CFAP95: variants seen among roughly 807,000 people sequenced by gnomAD.
The protein encoded by CFAP95 is cilia and flagella associated protein 95, also known as cilia- and flagella-associated protein 95.
the CFAP95 span, among the ~76,000 whole-genome samples, chr9:69,884,127 C>T: frequency 1.3e-5 from 2 of 152,114 alleles, no homozygotes; most frequent in African/African-American, 4.8e-5. Context: ...TTTCAATTTC[C>T]TTCTTAATGT....
the CFAP95 span, among the ~76,000 whole-genome samples, chr9:69,870,581 C>T: frequency 0.033 from 5,027 of 152,206 alleles, 252 homozygotes; most frequent in African/African-American, 0.11. Context: ...AAGAAAGAAG[C>T]GAAAAAGTAA....
the CFAP95 span, among the ~76,000 whole-genome samples, chr9:69,873,650 T>C: frequency 6.6e-6 from 1 of 152,196 alleles, no homozygotes; most frequent in Non-Finnish European, 1.5e-5. Context: ...TCTGCTTCTT[T>C]AAGTCACGTA....
chr9:69,892,687 C>G, the CFAP95 span, among the ~76,000 whole-genome samples: 5 of 152,102 alleles, frequency 3.3e-5, no homozygotes, highest in African/African-American at 1.2e-4. Context: ...CGCCACAACC[C>G]CATCCTGTAC....
the CFAP95 span, among the ~76,000 whole-genome samples, chr9:69,875,533 G>A: frequency 6.6e-6 from 1 of 152,086 alleles, no homozygotes; most frequent in East Asian, 1.9e-4. Flanking sequence ...GGAGGGATAG[G>A]TTTCTATCTG....
the CFAP95 span, among the ~76,000 whole-genome samples, chr9:69,902,584 G>A: frequency 6.6e-6 from 1 of 152,032 alleles, no homozygotes; most frequent in Non-Finnish European, 1.5e-5. Context: ...TATACCAAAC[G>A]ACTTTCTTGT....
the CFAP95 span, chr9:69,856,445 A>G: frequency 1.7e-6 from 1 of 579,758 alleles, no homozygotes; most frequent in Non-Finnish European, 3.1e-6. Context: ...TTTAATGTCA[A>G]CTAGAGTCAA....
the CFAP95 span, among the ~76,000 whole-genome samples, chr9:69,855,915 A>G: frequency 6.6e-6 from 1 of 152,164 alleles, no homozygotes; most frequent in African/African-American, 2.4e-5. Flanking sequence ...TTTCAGATAA[A>G]GTAATGGATT....
At chr9:69,864,319 A>G in the CFAP95 span, among the ~76,000 whole-genome samples, 1 of 151,800 alleles carries the variant, frequency 6.6e-6, no homozygotes, top group Admixed American at 6.6e-5. Flanking sequence ...GTGTATGTGC[A>G]TGTGTGTATA....
the CFAP95 span, among the ~76,000 whole-genome samples, chr9:69,864,175 T>C: frequency 4.6e-5 from 7 of 152,230 alleles, no homozygotes; most frequent in African/African-American, 1.7e-4. Context: ...GATTAGCGTG[T>C]ATTGTTGAAA....
At chr9:69,861,884 C>T in the CFAP95 span, among the ~76,000 whole-genome samples, 8 of 152,066 alleles carry the variant, frequency 5.3e-5, no homozygotes, top group Admixed American at 3.9e-4. Context: ...CTCACCTGAT[C>T]TGCAACCTCC....
the CFAP95 span, among the ~76,000 whole-genome samples, chr9:69,857,665 C>A: frequency 6.6e-6 from 1 of 152,108 alleles, no homozygotes; most frequent in African/African-American, 2.4e-5. Flanking sequence ...GCTAGGGCTA[C>A]AGGCACATGC....
At chr9:69,856,920 G>GTTTT in the CFAP95 span, among the ~76,000 whole-genome samples, 119 of 125,896 alleles carry the variant, frequency 9.5e-4, 3 homozygotes, top group Middle Eastern at 4.3e-3. Context: ...CTTTATATGT[G>GTTTT]TTTTTTTTTT....
chr9:69,865,869 T>G, the CFAP95 span, among the ~76,000 whole-genome samples: 1 of 152,190 alleles, frequency 6.6e-6, no homozygotes, highest in East Asian at 1.9e-4. Context: ...CCAGGCACTA[T>G]TCTAAGTGTT....
At chr9:69,879,697 A>T in the CFAP95 span, among the ~76,000 whole-genome samples, 5 of 152,210 alleles carry the variant, frequency 3.3e-5, no homozygotes, top group Admixed American at 2.0e-4. Flanking sequence ...GCAATTGCTT[A>T]TCAGAGAAGA....
the CFAP95 span, among the ~76,000 whole-genome samples, chr9:69,883,159 C>T: frequency 6.6e-6 from 1 of 152,198 alleles, no homozygotes; most frequent in African/African-American, 2.4e-5. Context: ...GAAAGAAACA[C>T]AAAAAGTGGC....
At chr9:69,863,262 AT>A in the CFAP95 span, among the ~76,000 whole-genome samples, 1 of 152,176 alleles carries the variant, frequency 6.6e-6, no homozygotes, top group Non-Finnish European at 1.5e-5. Flanking sequence ...AAAAATGCCC[AT>A]TTGGTCTCAA....
the CFAP95 span, among the ~76,000 whole-genome samples, chr9:69,880,833 C>T: frequency 6.6e-6 from 1 of 152,154 alleles, no homozygotes; most frequent in Non-Finnish European, 1.5e-5. Context: ...TATTGCCTGT[C>T]TTGTGGATAT....
the CFAP95 span, among the ~76,000 whole-genome samples, chr9:69,888,277 T>A: frequency 2.6e-5 from 4 of 152,158 alleles, no homozygotes; most frequent in Non-Finnish European, 5.9e-5. Context: ...CTTCATTATA[T>A]GCTACATTCT....
At chr9:69,831,343 T>C in the CFAP95 span, among the ~76,000 whole-genome samples, 15,137 of 152,238 alleles carry the variant, frequency 0.099, 863 homozygotes, top group South Asian at 0.19. Context: ...AAAACTGAAT[T>C]GCTCAGTAAG....
Sources: gnomAD v4.1 joint callset for allele counts (sites outside exome capture counted in the v4.1 genomes callset) on GRCh38, gnomAD v4.1.1 for gene constraint, MANE v1.5 for transcripts, NCBI Gene and HGNC (gene_info 2026-07-23, HGNC 2026-07-21) for gene names.